LARS1: variants seen among roughly 807,000 people sequenced by gnomAD.
The protein encoded by LARS1 is leucine--tRNA ligase, cytoplasmic.
A neutral mutation model predicts 162.8 loss-of-function variants in LARS1; 100 were observed. The observed-to-expected ratio is 0.61, with a 90% CI of 0.52 to 0.73. The LOEUF (loss-of-function observed/expected upper bound fraction) is 0.73. Ranked by LOEUF, LARS1 falls within the 30% of genes least tolerant of loss-of-function variation. The pLI is 0.00. For missense variants in LARS1, 1,258 were observed against 1,408.9 expected, an observed-to-expected ratio of 0.89 and a Z score of 1.71; for synonymous variants, 457 against 462.8, an observed-to-expected ratio of 0.99 and a Z score of 0.16.
chr5:146,156,334 ATTAT>A (rs1293801182), intron 10 of LARS1, among the ~76,000 whole-genome samples: 1 of 152,232 alleles, frequency 6.6e-6, no homozygotes, highest in African/African-American at 2.4e-5. Flanking sequence ...TTTTTAAAAA[ATTAT>A]TTAAGATACC....
intron 21 of LARS1, among the ~76,000 whole-genome samples, chr5:146,136,532 G>A (rs1250660017): frequency 2.0e-5 from 3 of 150,370 alleles, no homozygotes; most frequent in African/African-American, 7.4e-5. Flanking sequence ...CCAGGCTGGA[G>A]TGCAGTGGCG....
intron 24 of LARS1, 159 bp from the exon 25 acceptor site, chr5:146,130,317 G>T: frequency 1.4e-6 from 1 of 716,754 alleles, no homozygotes; most frequent in Non-Finnish European, 2.3e-6. Context: ...GAATCTGCAA[G>T]TATTTATCTT....
intron 31 of LARS1, among the ~76,000 whole-genome samples, chr5:146,117,707 A>G (rs967321720): frequency 3.3e-5 from 5 of 152,236 alleles, no homozygotes; most frequent in African/African-American, 4.8e-5. Flanking sequence ...CTTGTGGCCT[A>G]TAAGTTCTGA....
intron 2 of LARS1, among the ~76,000 whole-genome samples, chr5:146,177,256 G>C (rs191725643): frequency 5.9e-5 from 9 of 151,656 alleles, no homozygotes; most frequent in Non-Finnish European, 1.2e-4. Context: ...CACGAGGTCA[G>C]AAGATCGAGA....
At position 146,124,394 on chromosome 5, in the gene LARS1, TG is replaced by T. The variant is rs140480850; in HGVS notation, c.2992-309del. On this transcript the variant is annotated intron_variant, in intron 28 of 31. Transcript: ENST00000394434. ...ATTGTTTATTTAGACTGACTTAACA[TG>T]CAAGCCCAAAGAATTCACTTTACAG... 0.032 allele frequency among the ~76,000 whole-genome samples: 4,919 copies of T among 151,966 alleles called. 266 individuals carry two copies. Among genetic ancestry groups the T allele is most frequent in the African/African-American group, 0.11 (4,557 of 41,488 alleles).
At chr5:146,182,320 C>T in intron 1 of LARS1, 168 bp downstream of exon 1, 1 of 771,502 alleles carries the variant, frequency 1.3e-6, no homozygotes, top group Non-Finnish European at 2.3e-6. Flanking sequence ...GACATCAGTT[C>T]GTGGTTCATA....
At chr5:146,125,409 C>T (rs76652555) in intron 28 of LARS1, among the ~76,000 whole-genome samples, 5,267 of 152,000 alleles carry the variant, frequency 0.035, 318 homozygotes, top group African/African-American at 0.12. Flanking sequence ...CATCTGCAGC[C>T]AAGAAGACAC....
chr5:146,153,271 C>T (rs1434128236), intron 12 of LARS1, 44 bp from the exon 13 acceptor site: 1 of 1,321,062 alleles, frequency 7.6e-7, no homozygotes, highest in Non-Finnish European at 1.1e-6. Flanking sequence ...CAACACTTTA[C>T]TGGGAGAATC....
intron 6 of LARS1, among the ~76,000 whole-genome samples, chr5:146,162,790 T>C (rs1251744929): frequency 1.3e-5 from 2 of 152,228 alleles, no homozygotes; most frequent in Non-Finnish European, 2.9e-5. Flanking sequence ...ATCCCCTAAA[T>C]AACTTGCTGC....
chr5:146,139,392 T>C (rs1752661937), intron 21 of LARS1, among the ~76,000 whole-genome samples: 1 of 151,272 alleles, frequency 6.6e-6, no homozygotes, highest in Non-Finnish European at 1.5e-5. Flanking sequence ...AGAAAACTCT[T>C]CTGGGTCACA....
chr5:146,164,020 A>G (rs1331528860), intron 6 of LARS1, among the ~76,000 whole-genome samples: 1 of 152,238 alleles, frequency 6.6e-6, no homozygotes, highest in Non-Finnish European at 1.5e-5. Context: ...TTATATGGGT[A>G]CAGTGTGTGG....
At chr5:146,154,860 A>T (rs984694402) in intron 10 of LARS1, among the ~76,000 whole-genome samples, 1 of 150,430 alleles carries the variant, frequency 6.6e-6, no homozygotes, top group Non-Finnish European at 1.5e-5. Context: ...AGGAAAAATA[A>T]TTTTTTTTTT....
Position 146,128,789 on chromosome 5 carries a change from G to C in LARS1, c.2770-7C>G. 6.3e-7 allele frequency: 1 copy of C among 1,592,284 alleles called. No individual in the cohort carries two copies. Among genetic ancestry groups the C allele is most frequent in the South Asian group, 1.1e-5 (1 of 87,184 alleles). Reference sequence around the variant, plus strand: ...GGGGTTGTTTGTCAGTCTTCTAGACGGTAAAAGAAAGGAAAAACATTCAAT... The same window carrying C: ...GGGGTTGTTTGTCAGTCTTCTAGACCGTAAAAGAAAGGAAAAACATTCAAT... On this transcript the variant is annotated splice_region_variant and splice_polypyrimidine_tract_variant and intron_variant, in intron 26 of 31. Transcript: ENST00000394434.
intron 31 of LARS1, among the ~76,000 whole-genome samples, chr5:146,119,511 T>C (rs900442291): frequency 2.2e-4 from 33 of 152,168 alleles, no homozygotes; most frequent in African/African-American, 7.5e-4. Flanking sequence ...AATCAACTTT[T>C]GATTGCTATC....
intron 22 of LARS1, among the ~76,000 whole-genome samples, chr5:146,135,133 T>C (rs1466384048): frequency 2.0e-5 from 3 of 151,888 alleles, no homozygotes; most frequent in African/African-American, 4.8e-5. Flanking sequence ...CCTCCCAAAG[T>C]AGCCTGGATT....
At chr5:146,134,394 A>G (rs1395018141) in intron 22 of LARS1, among the ~76,000 whole-genome samples, 2 of 152,166 alleles carry the variant, frequency 1.3e-5, no homozygotes, top group Non-Finnish European at 2.9e-5. Flanking sequence ...GAAACAGACT[A>G]ACTATATTAT....
At chr5:146,130,275 C>G (rs1289717114) in intron 24 of LARS1, 117 bp from the exon 25 acceptor site, 2 of 958,874 alleles carry the variant, frequency 2.1e-6, no homozygotes, top group African/African-American at 1.7e-5. Flanking sequence ...TTTAAAAATC[C>G]ATAACAAATT....
intron 21 of LARS1, among the ~76,000 whole-genome samples, chr5:146,136,825 G>A (rs1752520379): frequency 6.6e-6 from 1 of 152,072 alleles, no homozygotes; most frequent in Non-Finnish European, 1.5e-5. Flanking sequence ...TTCAATATTA[G>A]GGCACAGGCT....
At chr5:146,143,661 CTTAAA>C (rs927874558) in intron 18 of LARS1, 111 bp from the exon 19 acceptor site, 17 of 969,308 alleles carry the variant, frequency 1.8e-5, no homozygotes, top group East Asian at 4.9e-5. Context: ...TTAGGAAGCT[CTTAAA>C]TTATTCTTGA....
Sources: gnomAD v4.1 joint callset for allele counts (sites outside exome capture counted in the v4.1 genomes callset) on GRCh38, gnomAD v4.1.1 for gene constraint, MANE v1.5 for transcripts, NCBI Gene and HGNC (gene_info 2026-07-23, HGNC 2026-07-21) for gene names.